The following UNC5B variants were observed in gnomAD, a reference collection of about 807,000 sequenced individuals.
UNC5B encodes unc-5 netrin receptor B.
In UNC5B, 56 loss-of-function variants were observed where a neutral mutation model predicts 103.7. The observed-to-expected ratio is 0.54, with a 90% CI of 0.44 to 0.67. The LOEUF is 0.67. Among genes scored for constraint, UNC5B ranks in the 30% least tolerant of loss-of-function variants. The pLI is 0.00. For synonymous variants in UNC5B, 577 were observed against 542.0 expected (o/e 1.06, Z -0.90); for missense variants, 1,194 against 1,284.5 (o/e 0.93, Z 1.08).
intron 1 of UNC5B, among the ~76,000 whole-genome samples, chr10:71,262,853 G>A (rs537645810): frequency 2.7e-4 from 41 of 152,324 alleles, no homozygotes; most frequent in African/African-American, 9.4e-4. Context: ...ATGTGTGGCT[G>A]TCACTGAGCC....
At chr10:71,218,658 C>T (rs115780628) in intron 1 of UNC5B, among the ~76,000 whole-genome samples, 2,059 of 152,306 alleles carry the variant, frequency 0.014, 48 homozygotes, top group African/African-American at 0.046. Context: ...TGGGCTACTG[C>T]CCCCAGGAAG....
At chr10:71,279,422 G>A (rs1256486530) in intron 1 of UNC5B, among the ~76,000 whole-genome samples, 1 of 152,294 alleles carries the variant, frequency 6.6e-6, no homozygotes, top group African/African-American at 2.4e-5. Context: ...ATTGCATCTC[G>A]TGGCGTCACC....
intron 1 of UNC5B, among the ~76,000 whole-genome samples, chr10:71,249,585 A>T (rs935815420): frequency 1.3e-5 from 2 of 152,126 alleles, no homozygotes; most frequent in Non-Finnish European, 2.9e-5. Flanking sequence ...ATCTCTGAGA[A>T]TGTGGCTTTC....
chr10:71,236,138 GGTT>G (rs1378837021), intron 1 of UNC5B, among the ~76,000 whole-genome samples: 3 of 152,178 alleles, frequency 2.0e-5, no homozygotes, highest in African/African-American at 7.2e-5. Context: ...AACTCCTCAG[GGTT>G]GTTGTAAGAT....
intron 1 of UNC5B, among the ~76,000 whole-genome samples, chr10:71,262,809 C>A (rs1416118997): frequency 6.6e-6 from 1 of 152,184 alleles, no homozygotes; most frequent in Non-Finnish European, 1.5e-5. Context: ...TCCCCCAGAA[C>A]CCTGTCAGAC....
Position 71,299,441 on chromosome 10 carries a change from G to GA in UNC5B, c.*168dup. 1.3e-6 allele frequency: 1 copy of GA among 788,438 alleles called. No homozygotes were observed. The highest frequency in any genetic ancestry group is 1.8e-5 in the South Asian group (1 of 56,650). 48.8% of individuals were successfully genotyped at this position (788,438 alleles called of 1,614,324 possible). A position where few individuals can be genotyped will look rare whatever the true frequency, so the allele number is the denominator to read the frequency against. On this transcript the variant is annotated 3_prime_UTR_variant, in exon 17 of 17. Coordinates refer to ENST00000335350, the MANE Select transcript of UNC5B (RefSeq NM_170744.5). ...AACCCCCAGACCATGACCAGCCTTA[G>GA]AAAATCCATGTACTCTGTTGTTAGA...
chr10:71,254,247 GTCTTCTCCCGTCACA>G (rs1844240644), intron 1 of UNC5B, among the ~76,000 whole-genome samples: 1 of 152,230 alleles, frequency 6.6e-6, no homozygotes, highest in South Asian at 2.1e-4. Context: ...GCTGGCGGGA[GTCTTCTCCCGTCACA>G]AGACTATCAG....
intron 1 of UNC5B, among the ~76,000 whole-genome samples, chr10:71,218,610 AG>A (rs1254549994): frequency 6.6e-6 from 1 of 152,180 alleles, no homozygotes; most frequent in East Asian, 1.9e-4. Flanking sequence ...AGGGGGAGGA[AG>A]GTTGGCAGAG....
At chr10:71,279,303 C>T (rs1036987023) in intron 1 of UNC5B, among the ~76,000 whole-genome samples, 11 of 152,192 alleles carry the variant, frequency 7.2e-5, no homozygotes, top group Admixed American at 6.5e-4. Flanking sequence ...ACCCCTGCCC[C>T]GCAGCCCTGG....
At chr10:71,249,018 T>A (rs1304647999) in intron 1 of UNC5B, among the ~76,000 whole-genome samples, 2 of 152,138 alleles carry the variant, frequency 1.3e-5, no homozygotes, top group Non-Finnish European at 1.5e-5. Flanking sequence ...GGCCAGGTGA[T>A]CCCAAACATA....
chr10:71,270,637 T>A (rs1284305215), intron 1 of UNC5B, among the ~76,000 whole-genome samples: 3 of 151,994 alleles, frequency 2.0e-5, no homozygotes, highest in Admixed American at 2.0e-4. Context: ...GTGGGGGTGG[T>A]CGTGCAGTGT....
At chr10:71,296,549 T>C (rs1161831545) in intron 14 of UNC5B, 29 bp from the exon 15 acceptor site, 1 of 1,610,676 alleles carries the variant, frequency 6.2e-7, no homozygotes. Flanking sequence ...TGGCCTTGCC[T>C]GCCTGGTCCT....
At chr10:71,285,182 A>T in intron 3 of UNC5B, 144 bp from the exon 4 acceptor site, 1 of 904,004 alleles carries the variant, frequency 1.1e-6, no homozygotes, top group Non-Finnish European at 1.7e-6. Flanking sequence ...TCCTTTGGAG[A>T]AGAGGAAATT....
In UNC5B at chr10:71,299,201, A is replaced by G. The variant is rs1395437087; in HGVS notation, c.2762A>G (p.Asn921Ser). 6.2e-7 allele frequency: 1 copy of G among 1,614,248 alleles called. No homozygotes were observed. The highest frequency in any genetic ancestry group is 8.5e-7 in the Non-Finnish European group (1 of 1,180,038). The change falls in exon 17 of 17, where the codon AAC becomes AGC. Residue 921 changes from asparagine (N) to serine (S), a missense_variant. By Grantham distance (46) the Asn-to-Ser change is conservative. Transcript: ENST00000335350. ...CTGCAGCAGGACGATGGGGACCTCA[A>G]CAGCCTGGCGAGTGCCTTGGAGGAG... ...EALQQDDGDL[N>S]SLASALEEMG... is the part of the protein sequence containing the mutation.
At chr10:71,288,889 C>A in intron 7 of UNC5B, 69 bp from the exon 8 acceptor site, 1 of 1,587,288 alleles carries the variant, frequency 6.3e-7, no homozygotes, top group Non-Finnish European at 8.6e-7. Context: ...CTCATCCTTC[C>A]CATTGCCTTC....
intron 1 of UNC5B, among the ~76,000 whole-genome samples, chr10:71,220,717 C>T (rs1589147362): frequency 1.3e-5 from 2 of 152,320 alleles, no homozygotes; most frequent in Non-Finnish European, 2.9e-5. Flanking sequence ...CAGTGCCCGG[C>T]ACACAGTGAT....
chr10:71,270,366 G>A (rs1294083579), intron 1 of UNC5B, among the ~76,000 whole-genome samples: 2 of 130,702 alleles, frequency 1.5e-5, no homozygotes, highest in African/African-American at 5.7e-5. Context: ...GAGGGAGGGA[G>A]GGAGGGTGGG....
intron 1 of UNC5B, among the ~76,000 whole-genome samples, chr10:71,231,373 G>C (rs1311158564): frequency 6.6e-6 from 1 of 152,206 alleles, no homozygotes; most frequent in Admixed American, 6.5e-5. Context: ...GGCGTGGCTG[G>C]CTCCTTGTCA....
At chr10:71,275,639 CA>C (rs569634188) in intron 1 of UNC5B, among the ~76,000 whole-genome samples, 124 of 152,274 alleles carry the variant, frequency 8.1e-4, no homozygotes, top group African/African-American at 2.9e-3. Context: ...AGCTCTATGC[CA>C]GTCACTTAAA....
Sources: allele counts gnomAD v4.1 joint callset (sites outside exome capture counted in the v4.1 genomes callset), GRCh38; gene constraint gnomAD v4.1.1; transcripts MANE v1.5; gene names NCBI Gene and HGNC (gene_info 2026-07-23, HGNC 2026-07-21).